The following DPYSL5 variants were observed in gnomAD, a reference collection of about 807,000 sequenced individuals.
DPYSL5 encodes dihydropyrimidinase-related protein 5.
Under a neutral mutation model 58.4 loss-of-function variants are expected in DPYSL5, and 9 were observed. The ratio of observed to expected loss-of-function variants is 0.15; its 90% CI spans 0.09 to 0.27. DPYSL5 has a LOEUF of 0.27. Among genes scored for constraint, DPYSL5 ranks in the 10% least tolerant of loss-of-function variants. DPYSL5 has a pLI of 1.00. For missense variants in DPYSL5, 499 were observed against 770.6 expected (o/e 0.65, Z 4.17); for synonymous variants, 293 against 301.9 (o/e 0.97, Z 0.31).
rs760181215 is a variant in DPYSL5 at position 26,949,231 on chromosome 2, C to T, written c.*2236C>T. 1 of 152,222 alleles carries T rather than the reference C, an allele frequency of 6.6e-6. No individual in the cohort carries two copies. Among genetic ancestry groups the T allele is most frequent in the South Asian group, 2.1e-4 (1 of 4,836 alleles). 9.4% of individuals were successfully genotyped at this position (152,222 alleles called of 1,614,324 possible). A position where few individuals can be genotyped will look rare whatever the true frequency, so the allele number is the denominator to read the frequency against. ...TCTTTCTTATAAACAACCTCATGCACATTCTGTGTTTGAGCCAAGACTAGT... is the reference window on the plus strand; with the variant it reads ...TCTTTCTTATAAACAACCTCATGCATATTCTGTGTTTGAGCCAAGACTAGT... On this transcript the variant is annotated 3_prime_UTR_variant, in exon 13 of 13. Coordinates refer to ENST00000288699, the MANE Select transcript of DPYSL5 (RefSeq NM_020134.4).
At chr2:26,914,170 G>T (rs1664507776) in intron 2 of DPYSL5, among the ~76,000 whole-genome samples, 1 of 152,190 alleles carries the variant, frequency 6.6e-6, no homozygotes, top group South Asian at 2.1e-4. Context: ...CGCAGCCTTG[G>T]CTGGTCTCTC....
chr2:26,923,568 A>G (rs890874187), intron 2 of DPYSL5, among the ~76,000 whole-genome samples: 4 of 152,208 alleles, frequency 2.6e-5, no homozygotes, highest in African/African-American at 9.7e-5. Context: ...AAGCACTGTA[A>G]GGACTCAAAC....
Position 26,924,432 on chromosome 2 carries a change from C to T in DPYSL5, c.262-455C>T, listed in dbSNP as rs1003102729. Reference sequence around the variant, plus strand: ...TCGTGGTTCAAATATACGTGTGTAACTAAGTAAATGATATAAACAGACATT... The same window carrying T: ...TCGTGGTTCAAATATACGTGTGTAATTAAGTAAATGATATAAACAGACATT... On this transcript the variant is annotated intron_variant, in intron 2 of 12. Coordinates refer to ENST00000288699, the MANE Select transcript of DPYSL5 (RefSeq NM_020134.4). The surrounding 1 kb of genome is among the most constrained non-coding windows in gnomAD (Gnocchi z 4.7). Among the ~76,000 whole-genome samples, 3 of 152,118 alleles carry T rather than the reference C, an allele frequency of 2.0e-5. No homozygotes were observed. The highest frequency in any genetic ancestry group is 7.2e-5 in the African/African-American group (3 of 41,398).
At chr2:26,932,048 G>GAAAGGAAA (rs1377724551) in intron 6 of DPYSL5, among the ~76,000 whole-genome samples, 1 of 47,620 alleles carries the variant, frequency 2.1e-5, no homozygotes, top group African/African-American at 1.0e-4. Flanking sequence ...AAGAAAGAAA[G>GAAAGGAAA]GAAAGAAAGA....
At chr2:26,868,881 G>A (rs1254428712) in intron 1 of DPYSL5, among the ~76,000 whole-genome samples, 1 of 152,042 alleles carries the variant, frequency 6.6e-6, no homozygotes, top group South Asian at 2.1e-4. Flanking sequence ...ACGATATTAT[G>A]TCTTCCTGTC....
At chr2:26,923,247 C>A (rs1457628431) in intron 2 of DPYSL5, among the ~76,000 whole-genome samples, 4 of 152,188 alleles carry the variant, frequency 2.6e-5, no homozygotes, top group Admixed American at 6.5e-5. Flanking sequence ...GGGAGGATCA[C>A]TTGAGCCCAG....
rs1663442718 is a variant in DPYSL5, at chr2:26,877,441, C to T, written c.-4-21055C>T. Among the ~76,000 whole-genome samples the T allele has an allele frequency of 6.6e-6, 1 of 152,088 alleles. No homozygotes were observed. Among genetic ancestry groups the T allele is most frequent in the African/African-American group, 2.4e-5 (1 of 41,396 alleles). On this transcript the variant is annotated intron_variant, in intron 1 of 12. Transcript: ENST00000288699. The surrounding 1 kb of genome is among the most constrained non-coding windows in gnomAD (Gnocchi z 4.1). ...GGATGCAGGGGACGCACATTGTCTG[C>T]ATTCCTGTTTTCTGTGCCTACTACA...
chr2:26,918,851 A>G (rs1222659676), intron 2 of DPYSL5, among the ~76,000 whole-genome samples: 1 of 152,188 alleles, frequency 6.6e-6, no homozygotes, highest in Non-Finnish European at 1.5e-5. Flanking sequence ...CCCTTCCTCA[A>G]TGAAAAATTC....
At chr2:26,909,601 T>C (rs1011536694) in intron 2 of DPYSL5, among the ~76,000 whole-genome samples, 13 of 151,972 alleles carry the variant, frequency 8.6e-5, no homozygotes, top group African/African-American at 2.7e-4. Context: ...ACCCCATCTC[T>C]ACAAAAAATA....
chr2:26,882,663 G>C (rs1028268536), intron 1 of DPYSL5, among the ~76,000 whole-genome samples: 2 of 152,144 alleles, frequency 1.3e-5, no homozygotes, highest in Non-Finnish European at 2.9e-5. Context: ...CACTTTGGGA[G>C]GCCAAGGTGG....
At chr2:26,909,827 AG>A (rs1184884596) in intron 2 of DPYSL5, among the ~76,000 whole-genome samples, 5 of 152,180 alleles carry the variant, frequency 3.3e-5, no homozygotes, top group African/African-American at 1.2e-4. Context: ...GAATATGTCT[AG>A]AAAGAGGAGA....
At chr2:26,910,584 A>G (rs915798594) in intron 2 of DPYSL5, among the ~76,000 whole-genome samples, 6 of 150,144 alleles carry the variant, frequency 4.0e-5, no homozygotes, top group African/African-American at 1.5e-4. Flanking sequence ...TCTGAATATA[A>G]GAGTTGTTTT....
intron 1 of DPYSL5, among the ~76,000 whole-genome samples, chr2:26,851,995 GA>G (rs939120176): frequency 5.3e-5 from 8 of 152,162 alleles, no homozygotes; most frequent in African/African-American, 1.7e-4. Flanking sequence ...TTGGGGCATA[GA>G]AAAATATTGA....
chr2:26,944,602 C>A lies in DPYSL5; in HGVS notation c.1441-54C>A. The A allele has an allele frequency of 6.3e-7, 1 of 1,585,538 alleles. No individual in the cohort carries two copies. Among genetic ancestry groups the A allele is most frequent in the Non-Finnish European group, 8.6e-7 (1 of 1,163,026 alleles). On this transcript the variant is annotated intron_variant, in intron 11 of 12. Coordinates refer to ENST00000288699, the MANE Select transcript of DPYSL5 (RefSeq NM_020134.4). The surrounding 1 kb of genome is among the most constrained non-coding windows in gnomAD (Gnocchi z 4.4). Reference sequence around the variant, plus strand: ...CCCCAGGGAGGCCATGGTTGTATCACTCAGCTCTGATGGTGTTGTCCTGTT... The same window carrying A: ...CCCCAGGGAGGCCATGGTTGTATCAATCAGCTCTGATGGTGTTGTCCTGTT...
intron 1 of DPYSL5, among the ~76,000 whole-genome samples, chr2:26,876,993 G>GTC (rs1050157107): frequency 4.9e-5 from 6 of 123,524 alleles, no homozygotes; most frequent in African/African-American, 1.9e-4. Context: ...TGAGAACGAA[G>GTC]TCTCGCTCTT....
At chr2:26,908,223 G>GGAAAAACAGCA (rs1664348750) in intron 2 of DPYSL5, among the ~76,000 whole-genome samples, 2 of 152,220 alleles carry the variant, frequency 1.3e-5, no homozygotes, top group African/African-American at 4.8e-5. Context: ...ATATAAAACA[G>GGAAAAACAGCA]TTAAGCATCA....
intron 2 of DPYSL5, among the ~76,000 whole-genome samples, chr2:26,904,772 G>A (rs1252841319): frequency 6.6e-6 from 1 of 152,174 alleles, no homozygotes; most frequent in African/African-American, 2.4e-5. Flanking sequence ...GCGTGGTGGT[G>A]TACGCTTGTA....
At chr2:26,935,099 C>T (rs1166647813) in intron 8 of DPYSL5, among the ~76,000 whole-genome samples, 1 of 152,162 alleles carries the variant, frequency 6.6e-6, no homozygotes, top group African/African-American at 2.4e-5. Context: ...GTTCACCTCT[C>T]CCTCTTCTTG....
intron 1 of DPYSL5, among the ~76,000 whole-genome samples, chr2:26,889,983 G>A (rs554513616): frequency 1.2e-4 from 19 of 152,312 alleles, no homozygotes; most frequent in Middle Eastern, 6.8e-3. Flanking sequence ...AGTCCACAGC[G>A]AGGCGGGATT....
Sources: allele counts gnomAD v4.1 joint callset (sites outside exome capture counted in the v4.1 genomes callset), GRCh38; gene constraint gnomAD v4.1.1; non-coding constraint Gnocchi (gnomAD v3.1); transcripts MANE v1.5; gene names NCBI Gene and HGNC (gene_info 2026-07-23, HGNC 2026-07-21).